Variants in SLC24A3 observed in about 807,000 individuals in gnomAD.
SLC24A3 encodes sodium/potassium/calcium exchanger 3.
In SLC24A3, 28 loss-of-function variants were observed where a neutral mutation model predicts 75.8. That is an observed-to-expected ratio of 0.37 (90% CI 0.27 to 0.51). The LOEUF (loss-of-function observed/expected upper bound fraction) is 0.51. SLC24A3 is among the 20% of genes least tolerant of loss of function. The pLI, the probability that SLC24A3 is intolerant of heterozygous loss-of-function variation, is 0.94. For missense variants in SLC24A3, 663 were observed against 847.8 expected, an observed-to-expected ratio of 0.78 and a Z score of 2.71; for synonymous variants, 372 against 334.1, an observed-to-expected ratio of 1.11 and a Z score of -1.24.
chr20:19,520,722 C>CCCTGTT (rs3838377), intron 3 of SLC24A3, among the ~76,000 whole-genome samples: 18,029 of 151,996 alleles, frequency 0.12, 1,226 homozygotes, highest in East Asian at 0.31. Flanking sequence ...TGGTGGTCTC[C>CCCTGTT]CCTGTTCCCC....
chr20:19,508,863 GC>G (rs1198319473), intron 2 of SLC24A3, among the ~76,000 whole-genome samples: 1 of 152,244 alleles, frequency 6.6e-6, no homozygotes, highest in Non-Finnish European at 1.5e-5. Context: ...GGGCCATGTG[GC>G]CCCAACAGGC....
At chr20:19,356,038 C>G (rs984323075) in intron 2 of SLC24A3, among the ~76,000 whole-genome samples, 3 of 152,188 alleles carry the variant, frequency 2.0e-5, no homozygotes, top group Non-Finnish European at 4.4e-5. Context: ...AATTAAGAAC[C>G]CTTGGAATTA....
At chr20:19,631,086 G>C (rs189161055) in intron 6 of SLC24A3, among the ~76,000 whole-genome samples, 71 of 152,322 alleles carry the variant, frequency 4.7e-4, no homozygotes, top group Admixed American at 4.4e-3. Context: ...GCTCATGCCT[G>C]TAATTGTAGC....
At chr20:19,580,790 T>C (rs2031207991) in intron 4 of SLC24A3, among the ~76,000 whole-genome samples, 2 of 152,206 alleles carry the variant, frequency 1.3e-5, no homozygotes, top group Admixed American at 1.3e-4. Context: ...ATATTTTAAT[T>C]CAGAATCCCT....
chr20:19,546,199 G>A (rs1378335181), intron 3 of SLC24A3, among the ~76,000 whole-genome samples: 11 of 100,682 alleles, frequency 1.1e-4, no homozygotes, highest in Admixed American at 2.3e-4. Flanking sequence ...CCAGGTAATC[G>A]ACCTGAGCCT....
At chr20:19,389,127 T>TC (rs1001001920) in intron 2 of SLC24A3, among the ~76,000 whole-genome samples, 4 of 152,078 alleles carry the variant, frequency 2.6e-5, no homozygotes, top group Non-Finnish European at 4.4e-5. Flanking sequence ...TAACTTCTCT[T>TC]CCCCCCAAAC....
intron 7 of SLC24A3, among the ~76,000 whole-genome samples, chr20:19,657,935 G>T (rs373217862): frequency 2.0e-5 from 3 of 151,996 alleles, no homozygotes; most frequent in African/African-American, 7.3e-5. Context: ...GCCCTTCCTC[G>T]TACCCACCAA....
intron 2 of SLC24A3, among the ~76,000 whole-genome samples, chr20:19,469,607 C>G (rs928022021): frequency 7.2e-5 from 11 of 152,192 alleles, no homozygotes; most frequent in African/African-American, 2.7e-4. Flanking sequence ...GAGGACCAGT[C>G]CAGCTCTGCC....
At chr20:19,226,595 T>G (rs535047072) in intron 1 of SLC24A3, among the ~76,000 whole-genome samples, 1 of 152,342 alleles carries the variant, frequency 6.6e-6, no homozygotes, top group South Asian at 2.1e-4. Flanking sequence ...TTTTTCTTCA[T>G]GTTACAGCAT....
intron 1 of SLC24A3, among the ~76,000 whole-genome samples, chr20:19,243,551 A>G (rs185690663): frequency 2.0e-5 from 3 of 152,328 alleles, no homozygotes; most frequent in African/African-American, 7.2e-5. Context: ...TCCTGAGAAG[A>G]TGTACAGGAG....
chr20:19,245,702 A>G (rs1164618681), intron 1 of SLC24A3, among the ~76,000 whole-genome samples: 1 of 152,164 alleles, frequency 6.6e-6, no homozygotes, highest in African/African-American at 2.4e-5. Flanking sequence ...TAAGAGCAAA[A>G]CATTATTATT....
intron 2 of SLC24A3, among the ~76,000 whole-genome samples, chr20:19,290,047 C>T (rs1163941081): frequency 1.3e-5 from 2 of 152,152 alleles, no homozygotes; most frequent in African/African-American, 4.8e-5. Flanking sequence ...TTAGGACCAC[C>T]ACCACCAGCA....
At chr20:19,374,095 A>C (rs1409009333) in intron 2 of SLC24A3, among the ~76,000 whole-genome samples, 1 of 152,224 alleles carries the variant, frequency 6.6e-6, no homozygotes, top group Non-Finnish European at 1.5e-5. Context: ...CGGTAAAGAA[A>C]GAGCCTCAGA....
At chr20:19,395,239 AT>A (rs1229737430) in intron 2 of SLC24A3, among the ~76,000 whole-genome samples, 3 of 152,344 alleles carry the variant, frequency 2.0e-5, no homozygotes, top group African/African-American at 7.2e-5. Context: ...GGTTTGCAAG[AT>A]GAAAAAGTTC....
At position 19,653,967 on chromosome 20, in the gene SLC24A3, A is replaced by G. The variant is rs1600323081; in HGVS notation, c.613-95A>G. ...ATTGGCAGATTGGGTGCAGGACAGG[A>G]GGCCTAGACAGGAAGCTGGCTAAAC... is the stretch of plus-strand genomic sequence containing the variant. On this transcript the variant is annotated intron_variant, in intron 6 of 16. Transcript: ENST00000328041. 12 of 946,040 alleles carry G rather than the reference A, an allele frequency of 1.3e-5. No individual in the cohort carries two copies. The East Asian group carries it at 2.6e-4, about 21-fold the overall frequency. 58.6% of individuals were successfully genotyped at this position (946,040 alleles called of 1,614,324 possible). A position where few individuals can be genotyped will look rare whatever the true frequency, so the allele number is the denominator to read the frequency against.
intron 15 of SLC24A3, among the ~76,000 whole-genome samples, chr20:19,705,288 T>C (rs931376082): frequency 6.6e-6 from 1 of 152,200 alleles, no homozygotes; most frequent in Non-Finnish European, 1.5e-5. Context: ...GGATTTTCTG[T>C]CTGATGGTTG....
chr20:19,503,297 T>C (rs943887397), intron 2 of SLC24A3, among the ~76,000 whole-genome samples: 1 of 152,160 alleles, frequency 6.6e-6, no homozygotes, highest in East Asian at 1.9e-4. Flanking sequence ...CCTGTGACAG[T>C]TCAAGGAAAT....
chr20:19,550,156 A>C (rs1288823001), intron 3 of SLC24A3, among the ~76,000 whole-genome samples: 2 of 152,318 alleles, frequency 1.3e-5, no homozygotes, highest in East Asian at 3.9e-4. Context: ...TTTGGTCATA[A>C]AAAATGTTCT....
chr20:19,720,963 C>T, intron 16 of SLC24A3, 28 bp from the exon 17 acceptor site: 1 of 1,610,378 alleles, frequency 6.2e-7, no homozygotes, highest in Non-Finnish European at 8.5e-7. Flanking sequence ...CCTCCTGGTG[C>T]CCTCTGAACC....
Sources: gnomAD v4.1 joint callset for allele counts (sites outside exome capture counted in the v4.1 genomes callset) on GRCh38, gnomAD v4.1.1 for gene constraint, MANE v1.5 for transcripts, NCBI Gene and HGNC (gene_info 2026-07-23, HGNC 2026-07-21) for gene names.